C4orf36: variants seen among roughly 807,000 people sequenced by gnomAD.
The protein encoded by C4orf36 is chromosome 4 open reading frame 36.
A neutral mutation model predicts 12.2 loss-of-function variants in C4orf36; 11 were observed. That is an observed-to-expected ratio of 0.90 (90% CI 0.57 to 1.49). The LOEUF (loss-of-function observed/expected upper bound fraction) is 1.49. Among genes scored for constraint, C4orf36 ranks in the 40% most tolerant of loss-of-function variants. C4orf36 has a pLI of 0.00. For missense variants in C4orf36, 137 were observed against 133.9 expected, an observed-to-expected ratio of 1.02 and a Z score of -0.11; for synonymous variants, 54 against 51.3, an observed-to-expected ratio of 1.05 and a Z score of -0.22.
rs1198730859 is a variant in C4orf36 at position 86,876,458 on chromosome 4, G to T, written c.*3-15C>A. ...CGCGCTTCAGGCTGCGCAAAGGAGAGGGGGAAAATAAGATTTTATTTTATC... is the reference window on the plus strand; with the variant it reads ...CGCGCTTCAGGCTGCGCAAAGGAGATGGGGAAAATAAGATTTTATTTTATC... On this transcript the variant is annotated splice_polypyrimidine_tract_variant and intron_variant, in intron 4 of 4. Transcript: ENST00000295898. 2 of 1,613,244 alleles carry T rather than the reference G, an allele frequency of 1.2e-6. No homozygotes were observed. The highest frequency in any genetic ancestry group is 1.3e-5 in the African/African-American group (1 of 74,868).
chr4:86,896,465 C>A (rs1225401285), upstream of C4orf36, among the ~76,000 whole-genome samples: 6 of 152,066 alleles, frequency 3.9e-5, no homozygotes, highest in Non-Finnish European at 8.8e-5. Flanking sequence ...GTAATGACAC[C>A]AATTCTAGGA....
chr4:86,912,621 C>T, the C4orf36 span, among the ~76,000 whole-genome samples: 164 of 152,190 alleles, frequency 1.1e-3, no homozygotes, highest in Non-Finnish European at 1.6e-3. Context: ...AGCAATATTT[C>T]GGTATGGTTT....
chr4:86,925,875 CTTTTTTT>C, the C4orf36 span: 6 of 126,536 alleles, frequency 4.7e-5, no homozygotes, highest in African/African-American at 1.5e-4. Flanking sequence ...TTTTTTTTTC[CTTTTTTT>C]TTTTTTTTTT....
At chr4:86,907,714 C>T in the C4orf36 span, among the ~76,000 whole-genome samples, 8 of 152,076 alleles carry the variant, frequency 5.3e-5, no homozygotes, top group African/African-American at 2.4e-5. Flanking sequence ...TGGTGCCTCA[C>T]ACCTGTAATC....
At chr4:86,898,310 T>C in the C4orf36 span, among the ~76,000 whole-genome samples, 1 of 152,238 alleles carries the variant, frequency 6.6e-6, no homozygotes, top group Non-Finnish European at 1.5e-5. Flanking sequence ...AAGAATCGCT[T>C]GAGCCCAGGA....
chr4:86,935,526 G>A, the C4orf36 span: 1 of 152,356 alleles, frequency 6.6e-6, no homozygotes, highest in Non-Finnish European at 1.5e-5. Flanking sequence ...CTCACGCGCA[G>A]CCCCCAAGTC....
At chr4:86,892,527 C>T, upstream of C4orf36, 2 of 933,462 alleles carry the variant, frequency 2.1e-6, no homozygotes, top group Non-Finnish European at 2.6e-6. Context: ...CCGCGGGGTC[C>T]GCTCTCTGGT....
the C4orf36 span, chr4:86,913,891 CG>C: frequency 1.9e-6 from 2 of 1,052,178 alleles, no homozygotes; most frequent in Admixed American, 2.1e-5. Flanking sequence ...TGCAGTGGCA[CG>C]ATCTCGGCTC....
intron 4 of C4orf36, chr4:86,887,513 A>C: frequency 2.6e-6 from 1 of 386,776 alleles, no homozygotes; most frequent in East Asian, 3.8e-5. Flanking sequence ...GAATAGCACA[A>C]ACGACTCAAC....
the C4orf36 span, chr4:86,935,451 T>A: frequency 6.6e-6 from 1 of 152,328 alleles, no homozygotes; most frequent in East Asian, 1.9e-4. Flanking sequence ...CTACTTGCGA[T>A]CCCGCGGCAG....
At chr4:86,894,099 G>C (rs1489095568), upstream of C4orf36, among the ~76,000 whole-genome samples, 2 of 151,828 alleles carry the variant, frequency 1.3e-5, no homozygotes, top group African/African-American at 2.4e-5. Flanking sequence ...GGGTTTCACC[G>C]TGTTAGCCAG....
chr4:86,931,807 G>A, the C4orf36 span, among the ~76,000 whole-genome samples: 14 of 152,024 alleles, frequency 9.2e-5, no homozygotes, highest in African/African-American at 2.4e-4. Context: ...AGGCCGAGGC[G>A]GGTGGATCAC....
chr4:86,894,064 T>A (rs1421914477), upstream of C4orf36, among the ~76,000 whole-genome samples: 2 of 151,704 alleles, frequency 1.3e-5, no homozygotes, highest in Non-Finnish European at 2.9e-5. Context: ...GCCCAGCTGA[T>A]TTTTTTGTAT....
the C4orf36 span, chr4:86,914,112 G>C: frequency 3.1e-6 from 5 of 1,604,816 alleles, no homozygotes; most frequent in East Asian, 1.1e-4. Context: ...GTCATTTTCA[G>C]ACTCAAAGTA....
chr4:86,890,812 G>T (rs988666588), intron 2 of C4orf36, among the ~76,000 whole-genome samples: 3 of 152,214 alleles, frequency 2.0e-5, no homozygotes, highest in Admixed American at 6.5e-5. Flanking sequence ...CAGGCAATGT[G>T]CAAGTACTTC....
chr4:86,924,181 T>C, the C4orf36 span, among the ~76,000 whole-genome samples: 2 of 152,068 alleles, frequency 1.3e-5, no homozygotes, highest in East Asian at 1.9e-4. Flanking sequence ...TCTGTGACCA[T>C]AGGCGCATGC....
At chr4:86,891,655 T>C (rs1212565958) in intron 1 of C4orf36, 62 bp from the exon 2 acceptor site, 13 of 1,423,724 alleles carry the variant, frequency 9.1e-6, no homozygotes, top group Non-Finnish European at 1.2e-5. Flanking sequence ...AGCCAAATAA[T>C]AGAAAAAAAT....
chr4:86,886,629 A>T (rs1747184299), intron 4 of C4orf36: 1 of 152,178 alleles, frequency 6.6e-6, no homozygotes, highest in Non-Finnish European at 1.5e-5. Flanking sequence ...GCTGGGGAGG[A>T]TGTGGAGAAA....
At chr4:86,908,146 T>C in the C4orf36 span, among the ~76,000 whole-genome samples, 1 of 148,396 alleles carries the variant, frequency 6.7e-6, no homozygotes, top group African/African-American at 2.5e-5. Context: ...GTATTCCCCT[T>C]TGGAGAACTA....
Sources: gnomAD v4.1 joint callset for allele counts (sites outside exome capture counted in the v4.1 genomes callset) on GRCh38, gnomAD v4.1.1 for gene constraint, MANE v1.5 for transcripts, NCBI Gene and HGNC (gene_info 2026-07-23, HGNC 2026-07-21) for gene names.